Variants in CCDC175 observed in about 807,000 individuals in gnomAD.
CCDC175 encodes the protein coiled-coil domain containing 175, also known as coiled-coil domain-containing protein 175.
A neutral mutation model predicts 114.6 loss-of-function variants in CCDC175; 100 were observed. The observed-to-expected ratio is 0.87, with a 90% confidence interval of 0.74 to 1.03. CCDC175 has a LOEUF of 1.03. CCDC175 is among the 50% of genes least tolerant of loss of function. CCDC175 has a pLI of 0.00. For missense variants in CCDC175, 880 were observed against 917.8 expected, an observed-to-expected ratio of 0.96 and a Z score of 0.53; for synonymous variants, 306 against 308.7, an observed-to-expected ratio of 0.99 and a Z score of 0.09.
At chr14:59,558,387 C>G (rs1317835402) in intron 7 of CCDC175, among the ~76,000 whole-genome samples, 1 of 152,158 alleles carries the variant, frequency 6.6e-6, no homozygotes, top group Non-Finnish European at 1.5e-5. Flanking sequence ...GTAGAAGGCT[C>G]TGGTGGTGAT....
intron 3 of CCDC175, among the ~76,000 whole-genome samples, chr14:59,571,615 C>G (rs1011938790): frequency 2.0e-5 from 3 of 152,138 alleles, no homozygotes; most frequent in African/African-American, 7.2e-5. Context: ...ACAAAAAAAT[C>G]TGGAAAATAA....
chr14:59,540,530 T>G, intron 11 of CCDC175, 145 bp downstream of exon 11: 1 of 918,214 alleles, frequency 1.1e-6, no homozygotes, highest in South Asian at 1.8e-5. Context: ...TACATCTAGA[T>G]CCGAGAGAAT....
intron 16 of CCDC175, among the ~76,000 whole-genome samples, chr14:59,524,649 G>A (rs146055368): frequency 6.6e-6 from 1 of 152,298 alleles, no homozygotes; most frequent in Non-Finnish European, 1.5e-5. Context: ...TCCTTTGGGA[G>A]ACTGGTAGTA....
At chr14:59,559,721 CA>C (rs1896123282) in intron 7 of CCDC175, among the ~76,000 whole-genome samples, 1 of 151,978 alleles carries the variant, frequency 6.6e-6, no homozygotes, top group Admixed American at 6.6e-5. Flanking sequence ...TTTAATTTTC[CA>C]GGTAATAAAG....
chr14:59,575,071 C>G, intron 1 of CCDC175, 43 bp from the exon 2 acceptor site: 1 of 1,099,098 alleles, frequency 9.1e-7, no homozygotes, highest in Non-Finnish European at 1.3e-6. Context: ...ATTTATCTAT[C>G]CAAATCCTAC....
chr14:59,565,183 A>G lies in CCDC175; in HGVS notation c.584T>C (p.Ile195Thr). 6.5e-7 allele frequency: 1 copy of G among 1,537,816 alleles called. No homozygotes were observed. Among genetic ancestry groups the G allele is most frequent in the Non-Finnish European group, 8.7e-7 (1 of 1,147,012 alleles). Residue 195 changes from isoleucine to threonine, a missense_variant, in exon 5 of 20, where the codon ATA becomes ACA. Transcript: ENST00000537690. Reference sequence around the variant, plus strand: ...GTTTATTTTGGTATAAGTCTCATTTATGTAAACAGTGGTGGTGGCTTTTTT... The same window carrying G: ...GTTTATTTTGGTATAAGTCTCATTTGTGTAAACAGTGGTGGTGGCTTTTTT... ...MEKKATTTVY[I>T]NETYTKINLK...
Position 59,524,261 on chromosome 14 carries a change from A to G in CCDC175, c.1995+1021T>C, listed in dbSNP as rs1893607553. On this transcript the variant is annotated intron_variant, in intron 16 of 19. Coordinates refer to ENST00000537690, the MANE Select transcript of CCDC175 (RefSeq NM_001164399.2). ...GCAACAGTTCTGGGCATTAAAAATCAGTATCTTATAAATATCTAATTATTA... is the reference window on the plus strand; with the variant it reads ...GCAACAGTTCTGGGCATTAAAAATCGGTATCTTATAAATATCTAATTATTA... 2.0e-5 allele frequency among the ~76,000 whole-genome samples: 3 copies of G among 152,204 alleles called. 1 individual carries two copies. The highest frequency in any genetic ancestry group is 4.1e-4 in the South Asian group (2 of 4,832).
chr14:59,517,832 T>C, intron 17 of CCDC175, among the ~76,000 whole-genome samples: 1 of 152,124 alleles, frequency 6.6e-6, no homozygotes, highest in Non-Finnish European at 1.5e-5. Context: ...TTAAAGTTCA[T>C]ATGGAACCAA....
chr14:59,506,793 C>A (rs1892433495), intron 19 of CCDC175, among the ~76,000 whole-genome samples: 1 of 152,044 alleles, frequency 6.6e-6, no homozygotes, highest in African/African-American at 2.4e-5. Flanking sequence ...TTGTATCAAG[C>A]CCCTCATCAC....
chr14:59,505,317 T>C lies in CCDC175; in HGVS notation c.2306-2A>G. On this transcript the variant is annotated splice_acceptor_variant, in intron 19 of 19. Coordinates refer to ENST00000537690, the MANE Select transcript of CCDC175 (RefSeq NM_001164399.2). LOFTEE classifies it high-confidence loss of function. ...TTGTACGAATGTGTTTCTTCTTCTC[T>C]GTAGGAATAAAAAATAAATATAAAA... The C allele has an allele frequency of 1.4e-6, 2 of 1,451,776 alleles. No individual in the cohort carries two copies. The highest frequency in any genetic ancestry group is 1.3e-5 in the South Asian group (1 of 74,566). 89.9% of individuals were successfully genotyped at this position (1,451,776 alleles called of 1,614,324 possible). A position where few individuals can be genotyped will look rare whatever the true frequency, so the allele number is the denominator to read the frequency against.
In CCDC175 at chr14:59,531,768, G is replaced by A; in HGVS notation, c.1762+4C>T. On this transcript the variant is annotated splice_donor_region_variant and intron_variant, in intron 14 of 19. Coordinates refer to ENST00000537690, the MANE Select transcript of CCDC175 (RefSeq NM_001164399.2). ...AGTTTAATTACTAAATGCTTCATATGTACCTGTAATAATATTACTGAGCTC... is the reference window on the plus strand; with the variant it reads ...AGTTTAATTACTAAATGCTTCATATATACCTGTAATAATATTACTGAGCTC... The A allele has an allele frequency of 1.4e-6, 2 of 1,476,098 alleles. No homozygotes were observed. Among genetic ancestry groups the A allele is most frequent in the South Asian group, 1.3e-5 (1 of 76,668 alleles). The allele number at this position is 1,476,098 out of a possible 1,614,324, so 91.4% of individuals were successfully genotyped here. A position where few individuals can be genotyped will look rare whatever the true frequency, so the allele number is the denominator to read the frequency against.
chr14:59,545,415 A>G (rs903305098), intron 8 of CCDC175, 116 bp from the exon 9 acceptor site: 3 of 725,066 alleles, frequency 4.1e-6, no homozygotes, highest in Non-Finnish European at 6.5e-6. Flanking sequence ...CACCGTGAAT[A>G]TGCCATAAAT....
chr14:59,505,704 T>C (rs935040351), intron 19 of CCDC175, among the ~76,000 whole-genome samples: 9 of 152,214 alleles, frequency 5.9e-5, no homozygotes, highest in Non-Finnish European at 1.3e-4. Flanking sequence ...AAATAATTTG[T>C]TAAAACGTGG....
chr14:59,533,717 G>A (rs1365306216), intron 13 of CCDC175, among the ~76,000 whole-genome samples: 1 of 152,246 alleles, frequency 6.6e-6, no homozygotes, highest in Admixed American at 6.5e-5. Context: ...AGCCAGGCAT[G>A]GTGGCTCACA....
chr14:59,574,306 C>A (rs941436334), intron 2 of CCDC175, among the ~76,000 whole-genome samples: 9 of 152,080 alleles, frequency 5.9e-5, no homozygotes, highest in Non-Finnish European at 1.2e-4. Flanking sequence ...AAATGGAGAG[C>A]CTTCACTACT....
chr14:59,531,603 G>A (rs1164858229), intron 14 of CCDC175, among the ~76,000 whole-genome samples, 169 bp downstream of exon 14: 1 of 152,216 alleles, frequency 6.6e-6, no homozygotes, highest in Non-Finnish European at 1.5e-5. Flanking sequence ...GTAGTGTGGA[G>A]GAGAAATTAG....
At chr14:59,576,037 T>G (rs1038300603) in intron 1 of CCDC175, among the ~76,000 whole-genome samples, 2 of 152,210 alleles carry the variant, frequency 1.3e-5, no homozygotes, top group African/African-American at 4.8e-5. Flanking sequence ...TTTCTTGGAT[T>G]GTCTTACCTT....
chr14:59,576,698 G>T lies in CCDC175; in HGVS notation c.78C>A (p.Pro26=). The T allele has an allele frequency of 6.7e-7, 1 of 1,487,420 alleles. No homozygotes were observed. 92.1% of individuals were successfully genotyped at this position (1,487,420 alleles called of 1,614,324 possible). ...AGGGTAAGGTGCATAACTCCAGGGA[G>T]GGGCCAGTGGAGACGGCAGCCGCCT... is the stretch of plus-strand genomic sequence containing the variant. The part of the protein sequence containing the change: ...LVQAAAVSTG[P]SLELCTLPST... Residue 26 remains proline (P), a synonymous_variant, in exon 1 of 20, where the codon CCC becomes CCA. Coordinates refer to ENST00000537690, the MANE Select transcript of CCDC175 (RefSeq NM_001164399.2).
intron 8 of CCDC175, among the ~76,000 whole-genome samples, chr14:59,549,440 G>A (rs926338678): frequency 2.0e-5 from 3 of 152,200 alleles, no homozygotes; most frequent in African/African-American, 7.2e-5. Context: ...CTAGGCCTGG[G>A]AGGTTGAGGC....
Sources: gnomAD v4.1 joint callset for allele counts (sites outside exome capture counted in the v4.1 genomes callset) on GRCh38, gnomAD v4.1.1 for gene constraint, MANE v1.5 for transcripts, NCBI Gene and HGNC (gene_info 2026-07-23, HGNC 2026-07-21) for gene names.